Variants in DDR1 observed in about 807,000 individuals in gnomAD.
DDR1 encodes the protein epithelial discoidin domain-containing receptor 1.
A neutral mutation model predicts 97.4 loss-of-function variants in DDR1; 64 were observed. The ratio of observed to expected loss-of-function variants is 0.66; its 90% CI spans 0.54 to 0.81. The LOEUF is 0.81. Among genes scored for constraint, DDR1 ranks in the 30% least tolerant of loss-of-function variants. The pLI is 0.00. For missense variants in DDR1, 990 were observed against 1,259.6 expected (o/e 0.79, Z 3.24); for synonymous variants, 458 against 503.7 (o/e 0.91, Z 1.21).
Position 30,889,442 on chromosome 6 carries a change from A to T in DDR1, c.417+12A>T. On this transcript the variant is annotated intron_variant, in intron 4 of 17. Transcript: ENST00000376568. This position sits in a 1 kb window ranked among gnomAD's most constrained non-coding sequence, Gnocchi z 4.9. ...GCTGGGGTCAGGAGGTGAGACTGGCAGGGGCAGCACCCAGAGGAGGTTGGC... is the reference window on the plus strand; with the variant it reads ...GCTGGGGTCAGGAGGTGAGACTGGCTGGGGCAGCACCCAGAGGAGGTTGGC... 1 of 1,505,454 alleles carries T rather than the reference A, an allele frequency of 6.6e-7. No individual in the cohort carries two copies. Among genetic ancestry groups the T allele is most frequent in the Non-Finnish European group, 8.9e-7 (1 of 1,127,776 alleles). 93.3% of individuals were successfully genotyped at this position (1,505,454 alleles called of 1,614,324 possible). A position where few individuals can be genotyped will look rare whatever the true frequency, so the allele number is the denominator to read the frequency against.
rs1333828944 is a variant in DDR1, at chr6:30,891,775, G to T, written c.666-227G>T. On this transcript the variant is annotated intron_variant, in intron 6 of 17. Coordinates refer to ENST00000376568, the MANE Select transcript of DDR1 (RefSeq NM_001297654.2). The surrounding 1 kb of genome is among the most constrained non-coding windows in gnomAD (Gnocchi z 5.3). ...TAGATTGAAATGGTGCCCCTTAGAGGTGGTGCCTTTGTGCTGGATGTGACC... is the reference window on the plus strand; with the variant it reads ...TAGATTGAAATGGTGCCCCTTAGAGTTGGTGCCTTTGTGCTGGATGTGACC... Among the ~76,000 whole-genome samples the T allele has an allele frequency of 1.3e-5, 2 of 152,138 alleles. No homozygotes were observed. The highest frequency in any genetic ancestry group is 1.3e-4 in the Admixed American group (2 of 15,276).
At chr6:30,885,604 T>A in intron 1 of DDR1, 1 of 1,379,678 alleles carries the variant, frequency 7.2e-7, no homozygotes, top group Non-Finnish European at 9.5e-7. Flanking sequence ...GCATGTGGTG[T>A]CTGTCATTTC....
rs965282733 is a variant in DDR1, at chr6:30,886,861, G to C, written c.-42-1827G>C. 1 of 152,374 alleles carries C rather than the reference G, an allele frequency of 6.6e-6. No homozygotes were observed. The highest frequency in any genetic ancestry group is 1.5e-5 in the Non-Finnish European group (1 of 68,156). 9.4% of individuals were successfully genotyped at this position (152,374 alleles called of 1,614,324 possible). On this transcript the variant is annotated intron_variant, in intron 1 of 17. Transcript: ENST00000376568. This position sits in a 1 kb window ranked among gnomAD's most constrained non-coding sequence, Gnocchi z 4.6. Reference sequence around the variant, plus strand: ...TAGGATAGCTTTTCCTGCAGCAGGGGAGGGGAGAGTAGTTACTTGGGTTTG... The same window carrying C: ...TAGGATAGCTTTTCCTGCAGCAGGGCAGGGGAGAGTAGTTACTTGGGTTTG...
chr6:30,896,778 G>T lies in DDR1; in HGVS notation c.1782G>T (p.Gly594=). 1 of 1,584,730 alleles carries T rather than the reference G, an allele frequency of 6.3e-7. No individual in the cohort carries two copies. Among genetic ancestry groups the T allele is most frequent in the Non-Finnish European group, 8.6e-7 (1 of 1,164,012 alleles). The change falls in exon 13 of 18, where the codon GGG becomes GGT. Residue 594 remains glycine (G), a synonymous_variant. Coordinates refer to ENST00000376568, the MANE Select transcript of DDR1 (RefSeq NM_001297654.2). ...ATGCTGTGCCTGCACTGCCCCCAGGGGCAGTCGGGGATGGGCCCCCCAGAG... is the reference window on the plus strand; with the variant it reads ...ATGCTGTGCCTGCACTGCCCCCAGGTGCAGTCGGGGATGGGCCCCCCAGAG... ...NTYAVPALPP[G]AVGDGPPRVD...
At chr6:30,893,241 C>T in intron 9 of DDR1, 31 bp from the exon 10 acceptor site, 1 of 1,600,670 alleles carries the variant, frequency 6.2e-7, no homozygotes, top group Non-Finnish European at 8.5e-7. Context: ...GTGGGACCCT[C>T]CTGTGGTGCT....
rs754357744 is a variant in DDR1 at position 30,897,319 on chromosome 6, G to A, written c.1998-60G>A. The A allele has an allele frequency of 2.9e-5, 43 of 1,496,508 alleles. No individual in the cohort carries two copies. Among genetic ancestry groups the A allele is most frequent in the African/African-American group, 1.1e-4 (8 of 70,462 alleles). 92.7% of individuals were successfully genotyped at this position (1,496,508 alleles called of 1,614,324 possible). A position where few individuals can be genotyped will look rare whatever the true frequency, so the allele number is the denominator to read the frequency against. Reference sequence around the variant, plus strand: ...TGAGGTGGGGCAGGGGGGTGGGGGCGCGGGGGAAGGTGCAGGCCGCCCACT... The same window carrying A: ...TGAGGTGGGGCAGGGGGGTGGGGGCACGGGGGAAGGTGCAGGCCGCCCACT... On this transcript the variant is annotated intron_variant, in intron 14 of 17. Transcript: ENST00000376568. The surrounding 1 kb of genome is among the most constrained non-coding windows in gnomAD (Gnocchi z 5.2).
At chr6:30,882,149 G>T (rs952318086), upstream of DDR1, among the ~76,000 whole-genome samples, 1 of 152,206 alleles carries the variant, frequency 6.6e-6, no homozygotes, top group African/African-American at 2.4e-5. The surrounding 1 kb of genome is among the most constrained non-coding windows in gnomAD (Gnocchi z 4.8). Flanking sequence ...GGCCCATCTG[G>T]TCCGTCCTCT....
chr6:30,897,636 C>G lies in DDR1; in HGVS notation c.2216+39C>G. ...CAGGCTGGGCCTTGCTCAGAATTCC[C>G]CCAGGGGATCTCCTCCTCTCCCCTC... On this transcript the variant is annotated intron_variant, in intron 15 of 17. Transcript: ENST00000376568. This position sits in a 1 kb window ranked among gnomAD's most constrained non-coding sequence, Gnocchi z 5.2. 1 of 1,523,886 alleles carries G rather than the reference C, an allele frequency of 6.6e-7. No individual in the cohort carries two copies. Among genetic ancestry groups the G allele is most frequent in the Non-Finnish European group, 9.0e-7 (1 of 1,115,344 alleles). 94.4% of individuals were successfully genotyped at this position (1,523,886 alleles called of 1,614,324 possible).
Position 30,889,096 on chromosome 6 carries a change from C to A in DDR1, c.188+86C>A. ...TCCCCTCCAACCCCTCTGCCCATGC[C>A]AGTGAAACCCCTGCAGGCTGAGGGG... On this transcript the variant is annotated intron_variant, in intron 3 of 17. Transcript: ENST00000376568. This position sits in a 1 kb window ranked among gnomAD's most constrained non-coding sequence, Gnocchi z 4.9. 1 of 1,578,344 alleles carries A rather than the reference C, an allele frequency of 6.3e-7. No individual in the cohort carries two copies. Among genetic ancestry groups the A allele is most frequent in the Non-Finnish European group, 8.7e-7 (1 of 1,149,712 alleles).
Position 30,900,030 on chromosome 6 carries a change from A to C in DDR1, c.*734A>C. On this transcript the variant is annotated 3_prime_UTR_variant, in exon 18 of 18. Coordinates refer to ENST00000376568, the MANE Select transcript of DDR1 (RefSeq NM_001297654.2). ...TAGCTGCCACATTGATTTTTCTATA[A>C]TCACTTGGGGTTTGTACATTTTTGG... 1 of 594,870 alleles carries C rather than the reference A, an allele frequency of 1.7e-6. No individual in the cohort carries two copies. The highest frequency in any genetic ancestry group is 1.8e-5 in the African/African-American group (1 of 55,642). 36.8% of individuals were successfully genotyped at this position (594,870 alleles called of 1,614,324 possible). A position where few individuals can be genotyped will look rare whatever the true frequency, so the allele number is the denominator to read the frequency against.
At chr6:30,893,488 A>T in intron 10 of DDR1, 65 bp downstream of exon 10, 2 of 1,543,686 alleles carry the variant, frequency 1.3e-6, no homozygotes, top group Admixed American at 1.9e-5. Flanking sequence ...GCCAGCGTCC[A>T]GTGGGACCTG....
chr6:30,892,181 C>T lies in DDR1; in HGVS notation c.845C>T (p.Ala282Val), dbSNP rs1157270498. Residue 282 changes from alanine (A) to valine (V), a missense_variant, in exon 7 of 18, where the codon GCT becomes GTT. Ala to Val is a moderately conservative substitution (Grantham distance 64). Transcript: ENST00000376568. ...FEFDRLRAFQ[A>V]MQVHCNNMHT... is the part of the protein sequence containing the mutation. ...TTTGACCGGCTGAGGGCCTTCCAGG[C>T]TATGCAGGTGAGTGAGTCCGGCTCT... 6.2e-6 allele frequency: 10 copies of T among 1,614,146 alleles called. No homozygotes were observed. Among genetic ancestry groups the T allele is most frequent in the Non-Finnish European group, 7.6e-6 (9 of 1,179,996 alleles).
At chr6:30,885,295 G>A in intron 1 of DDR1, 1 of 1,521,070 alleles carries the variant, frequency 6.6e-7, no homozygotes, top group Non-Finnish European at 8.8e-7. Context: ...TTTCTTCCCA[G>A]CGCTTCCAGC....
Position 30,884,663 on chromosome 6 carries a change from CCCGCTCCCGGGTCGGACG to C in DDR1, c.-87_-70del, listed in dbSNP as rs1362659763. 6.6e-6 allele frequency: 1 copy of C among 152,180 alleles called. No homozygotes were observed. Among genetic ancestry groups the C allele is most frequent in the East Asian group, 1.9e-4 (1 of 5,164 alleles). The allele number at this position is 152,180 out of a possible 1,614,324, so 9.4% of individuals were successfully genotyped here. ...CCCCTCGCCCCGCCGCCGAAGAGGCCCCGCTCCCGGGTCGGACGCCTGGGTCTGCCGGGAAGAGCGATG... is the reference window on the plus strand; with the variant it reads ...CCCCTCGCCCCGCCGCCGAAGAGGCCCCTGGGTCTGCCGGGAAGAGCGATG... On this transcript the variant is annotated 5_prime_UTR_variant, in exon 1 of 18. Coordinates refer to ENST00000376568, the MANE Select transcript of DDR1 (RefSeq NM_001297654.2). The surrounding 1 kb of genome is among the most constrained non-coding windows in gnomAD (Gnocchi z 6.1).
intron 11 of DDR1, 50 bp from the exon 12 acceptor site, chr6:30,895,354 C>G: frequency 1.4e-6 from 2 of 1,430,692 alleles, no homozygotes; most frequent in Non-Finnish European, 1.9e-6. Flanking sequence ...GTCTGTCTAG[C>G]CTTGAGTCTC....
At chr6:30,892,230 AGGGTGCCGTTG>A (rs1175633186) in intron 7 of DDR1, 42 bp downstream of exon 7, 4 of 1,609,770 alleles carry the variant, frequency 2.5e-6, no homozygotes, top group South Asian at 2.2e-5. Context: ...GAAGCCATGC[AGGGTGCCGTTG>A]GGGTGCCCCC....
chr6:30,887,193 G>A (rs1786168698), intron 1 of DDR1: 1 of 152,204 alleles, frequency 6.6e-6, no homozygotes, highest in Non-Finnish European at 1.5e-5. Flanking sequence ...GCAGCAGGGT[G>A]AGCTGGTCCA....
rs1788201287 is a variant in DDR1 at position 30,891,494 on chromosome 6, T to A, written c.665+15T>A. ...ACCGTGGGCGGGTAAGAAAGGCCCC[T>A]GCAGGATATGGAGTTTGGGGTGGGA... On this transcript the variant is annotated intron_variant, in intron 6 of 17. Coordinates refer to ENST00000376568, the MANE Select transcript of DDR1 (RefSeq NM_001297654.2). This position sits in a 1 kb window ranked among gnomAD's most constrained non-coding sequence, Gnocchi z 5.3. The A allele has an allele frequency of 6.3e-7, 1 of 1,584,984 alleles. No individual in the cohort carries two copies. Among genetic ancestry groups the A allele is most frequent in the Non-Finnish European group, 8.6e-7 (1 of 1,156,768 alleles).
In DDR1 at chr6:30,891,550, TGTGTGTGAGA is replaced by T; in HGVS notation, c.665+79_665+88del. On this transcript the variant is annotated intron_variant, in intron 6 of 17. Coordinates refer to ENST00000376568, the MANE Select transcript of DDR1 (RefSeq NM_001297654.2). The surrounding 1 kb of genome is among the most constrained non-coding windows in gnomAD (Gnocchi z 5.3). ...GACTGTGTGTGTGTGTGTGTGTGTGTGTGTGTGAGAGTGTGTGTGTGTAGGGGGGCTGGTA... is the reference window on the plus strand; with the variant it reads ...GACTGTGTGTGTGTGTGTGTGTGTGTGTGTGTGTGTGTAGGGGGGCTGGTA... 5 of 958,170 alleles carry T rather than the reference TGTGTGTGAGA, an allele frequency of 5.2e-6. No individual in the cohort carries two copies. The highest frequency in any genetic ancestry group is 1.6e-5 in the African/African-American group (1 of 62,222). 59.4% of individuals were successfully genotyped at this position (958,170 alleles called of 1,614,324 possible). A position where few individuals can be genotyped will look rare whatever the true frequency, so the allele number is the denominator to read the frequency against.
Sources: allele counts gnomAD v4.1 joint callset (sites outside exome capture counted in the v4.1 genomes callset), GRCh38; gene constraint gnomAD v4.1.1; non-coding constraint Gnocchi (gnomAD v3.1); transcripts MANE v1.5; gene names NCBI Gene and HGNC (gene_info 2026-07-23, HGNC 2026-07-21).